Variants in TMEM242 observed in about 807,000 individuals in gnomAD.
TMEM242 encodes transmembrane protein 242.
A neutral mutation model predicts 18.2 loss-of-function variants in TMEM242; 10 were observed. The ratio of observed to expected loss-of-function variants is 0.55; its 90% CI spans 0.34 to 0.93. The LOEUF (loss-of-function observed/expected upper bound fraction) is 0.93. Ranked by LOEUF, TMEM242 falls within the 40% of genes least tolerant of loss-of-function variation. The probability of loss-of-function intolerance (pLI) is 0.02; values close to 1 mark genes in which losing one functional copy is unlikely to be tolerated. For missense variants in TMEM242, 186 were observed against 175.5 expected, an observed-to-expected ratio of 1.06 and a Z score of -0.34; for synonymous variants, 57 against 69.9, an observed-to-expected ratio of 0.81 and a Z score of 0.92.
intron 3 of TMEM242, among the ~76,000 whole-genome samples, chr6:157,313,543 G>A (rs1390109184): frequency 2.8e-4 from 16 of 56,990 alleles, no homozygotes; most frequent in Non-Finnish European, 3.7e-4. Flanking sequence ...TCATCATAGT[G>A]CCCCAGTGTT....
chr6:157,299,174 G>C (rs1583556830), intron 3 of TMEM242: 17 of 531,842 alleles, frequency 3.2e-5, no homozygotes, highest in South Asian at 2.7e-4. Flanking sequence ...CTATTCCACA[G>C]AGACCCCTAA....
At chr6:157,321,344 G>A (rs1778494152) in intron 2 of TMEM242, among the ~76,000 whole-genome samples, 1 of 152,086 alleles carries the variant, frequency 6.6e-6, no homozygotes, top group African/African-American at 2.4e-5. Context: ...ATATTAAAAT[G>A]AGGTTTATTT....
At chr6:157,297,339 T>C (rs1249385106) in intron 3 of TMEM242, among the ~76,000 whole-genome samples, 2 of 152,196 alleles carry the variant, frequency 1.3e-5, no homozygotes, top group African/African-American at 2.4e-5. Context: ...CTTGAAAACA[T>C]TTGGTCTAAT....
intron 3 of TMEM242, among the ~76,000 whole-genome samples, chr6:157,306,900 CAT>C (rs1777924552): frequency 6.6e-6 from 1 of 152,108 alleles, no homozygotes. Context: ...GCACAATTTA[CAT>C]AGTGGAAAAA....
At chr6:157,312,954 C>T (rs1778230807) in intron 3 of TMEM242, among the ~76,000 whole-genome samples, 4 of 152,088 alleles carry the variant, frequency 2.6e-5, no homozygotes, top group East Asian at 3.9e-4. Flanking sequence ...GCTCACCCGG[C>T]CTCATCATAG....
In TMEM242 at chr6:157,292,893, T is replaced by C. The variant is rs1201153420; in HGVS notation, c.*8A>G. The C allele has an allele frequency of 6.2e-7, 1 of 1,605,940 alleles. No homozygotes were observed. ...TAACAAGCATTTTGAAATTCATCCA[T>C]GCTCATCTCATTTGGATTTCAATGT... is the stretch of plus-strand genomic sequence containing the variant. On this transcript the variant is annotated 3_prime_UTR_variant, in exon 4 of 4. Coordinates refer to ENST00000400788, the MANE Select transcript of TMEM242 (RefSeq NM_018452.6).
rs1163448765 is a variant in TMEM242 at position 157,292,281 on chromosome 6, TTTTTG to T, written c.*615_*619del. The stretch of plus-strand genomic sequence containing the variant: ...GGGGTGATCACAACTCATTACTGGC[TTTTTG>T]TTTTAAGTATAAGAATTTATAGGGC... On this transcript the variant is annotated 3_prime_UTR_variant, in exon 4 of 4. Coordinates refer to ENST00000400788, the MANE Select transcript of TMEM242 (RefSeq NM_018452.6). The T allele has an allele frequency of 6.6e-6, 1 of 152,212 alleles. No individual in the cohort carries two copies. The highest frequency in any genetic ancestry group is 1.5e-5 in the Non-Finnish European group (1 of 68,048). 9.4% of individuals were successfully genotyped at this position (152,212 alleles called of 1,614,324 possible). A position where few individuals can be genotyped will look rare whatever the true frequency, so the allele number is the denominator to read the frequency against.
At chr6:157,314,758 G>A (rs782346758) in intron 3 of TMEM242, among the ~76,000 whole-genome samples, 3 of 152,204 alleles carry the variant, frequency 2.0e-5, no homozygotes, top group Non-Finnish European at 4.4e-5. Context: ...TATGTGAAAT[G>A]AAATTCCAGA....
intron 3 of TMEM242, among the ~76,000 whole-genome samples, chr6:157,295,780 G>C (rs1777741173): frequency 1.3e-5 from 2 of 152,200 alleles, no homozygotes; most frequent in South Asian, 2.1e-4. Context: ...AGACAGGCCT[G>C]AGATGAGGGA....
At chr6:157,311,068 GC>G (rs1778044972) in intron 3 of TMEM242, among the ~76,000 whole-genome samples, 1 of 99,664 alleles carries the variant, frequency 1.0e-5, no homozygotes, top group Non-Finnish European at 2.0e-5. Context: ...CCATCATAGT[GC>G]CCCAGTGTGC....
chr6:157,313,015 C>T (rs1554249567), intron 3 of TMEM242, among the ~76,000 whole-genome samples: 7 of 152,110 alleles, frequency 4.6e-5, no homozygotes, highest in Admixed American at 1.3e-4. Flanking sequence ...AGTGTCCGCT[C>T]ACCTAGCCTC....
chr6:157,299,914 G>C (rs1195703134), intron 3 of TMEM242: 1 of 1,611,828 alleles, frequency 6.2e-7, no homozygotes, highest in Non-Finnish European at 8.5e-7. Flanking sequence ...CGCAGGCCAT[G>C]CCCACCGATC....
rs761361174 is a variant in TMEM242, at chr6:157,322,705, C to T, written c.189G>A (p.Lys63=). 4.7e-5 allele frequency: 76 copies of T among 1,609,126 alleles called. No individual in the cohort carries two copies. Among genetic ancestry groups the T allele is most frequent in the Non-Finnish European group, 6.3e-5 (74 of 1,177,920 alleles). ...ATGAATGGATTTCAGTGTCACCAAC[C>T]TTATTGAACCATTCAGGGCTTTTCT... ...AKKKSPEWFN[K]GSMATAALPE... is the part of the protein sequence containing the mutation. Residue 63 remains lysine (K), a splice_region_variant and synonymous_variant, in exon 2 of 4, where the codon AAG becomes AAA. Transcript: ENST00000400788.
chr6:157,310,392 C>G (rs1554248265), intron 3 of TMEM242, among the ~76,000 whole-genome samples: 9 of 143,500 alleles, frequency 6.3e-5, no homozygotes, highest in Non-Finnish European at 3.1e-5. Context: ...CTGGCCTCAT[C>G]ATAGTGTCCC....
At chr6:157,294,926 A>G (rs1223511478) in intron 3 of TMEM242, among the ~76,000 whole-genome samples, 1 of 152,206 alleles carries the variant, frequency 6.6e-6, no homozygotes, top group Non-Finnish European at 1.5e-5. Flanking sequence ...GACAGTAATT[A>G]CCTGCTTAAA....
intron 3 of TMEM242, among the ~76,000 whole-genome samples, chr6:157,310,876 C>G (rs1554248484): frequency 2.0e-5 from 3 of 151,316 alleles, no homozygotes; most frequent in African/African-American, 4.9e-5. Flanking sequence ...ATCATAGTGC[C>G]CCAGTGTGCA....
chr6:157,313,347 TGTG>T (rs1778262336), intron 3 of TMEM242, among the ~76,000 whole-genome samples: 5 of 152,162 alleles, frequency 3.3e-5, no homozygotes, highest in African/African-American at 4.8e-5. Flanking sequence ...AGTGCCCCAG[TGTG>T]CGCTCACCTG....
intron 3 of TMEM242, among the ~76,000 whole-genome samples, chr6:157,298,715 G>C (rs1340145108): frequency 3.3e-5 from 5 of 152,218 alleles, no homozygotes; most frequent in Admixed American, 6.5e-5. Flanking sequence ...CAAGAAGAAA[G>C]CATGTATCTA....
chr6:157,309,851 G>C (rs959883215), intron 3 of TMEM242, among the ~76,000 whole-genome samples: 4 of 151,092 alleles, frequency 2.6e-5, no homozygotes, highest in African/African-American at 9.7e-5. Flanking sequence ...TGAGGTTTCA[G>C]CTCCTGTGAG....
Sources: allele counts gnomAD v4.1 joint callset (sites outside exome capture counted in the v4.1 genomes callset), GRCh38; gene constraint gnomAD v4.1.1; transcripts MANE v1.5; gene names NCBI Gene and HGNC (gene_info 2026-07-23, HGNC 2026-07-21).